BAZ2A: variants seen among roughly 807,000 people sequenced by gnomAD.
BAZ2A encodes the protein bromodomain adjacent to zinc finger domain protein 2A.
Under a neutral mutation model 199.9 loss-of-function variants are expected in BAZ2A, and 34 were observed. The ratio of observed to expected loss-of-function variants is 0.17; its 90% CI spans 0.13 to 0.23. The LOEUF (loss-of-function observed/expected upper bound fraction) is 0.23. Ranked by LOEUF, BAZ2A falls within the 10% of genes least tolerant of loss-of-function variation. The pLI is 1.00. For missense variants in BAZ2A, 2,002 were observed against 2,391.1 expected, an observed-to-expected ratio of 0.84 and a Z score of 3.39; for synonymous variants, 857 against 883.9, an observed-to-expected ratio of 0.97 and a Z score of 0.54.
Position 56,611,763 on chromosome 12 carries a change from G to A in BAZ2A, c.1609+10C>T. On this transcript the variant is annotated intron_variant, in intron 6 of 28. Transcript: ENST00000549884. Reference sequence around the variant, plus strand: ...ACCAGACAGGGATAGAATAGAATCTGGATACTCACCACTACCAGAAGCAGT... The same window carrying A: ...ACCAGACAGGGATAGAATAGAATCTAGATACTCACCACTACCAGAAGCAGT... 1 of 1,522,610 alleles carries A rather than the reference G, an allele frequency of 6.6e-7. No individual in the cohort carries two copies. Among genetic ancestry groups the A allele is most frequent in the Non-Finnish European group, 8.8e-7 (1 of 1,137,316 alleles). The allele number at this position is 1,522,610 out of a possible 1,614,324, so 94.3% of individuals were successfully genotyped here.
At chr12:56,623,394 T>A (rs1050661105) in intron 1 of BAZ2A, among the ~76,000 whole-genome samples, 2 of 152,162 alleles carry the variant, frequency 1.3e-5, no homozygotes, top group African/African-American at 2.4e-5. Flanking sequence ...TCCAGCTGGA[T>A]ACTGCAGTGG....
chr12:56,633,656 C>T (rs1307358344), upstream of BAZ2A, among the ~76,000 whole-genome samples: 1 of 152,068 alleles, frequency 6.6e-6, no homozygotes, highest in Non-Finnish European at 1.5e-5. Flanking sequence ...TTCACCCCCT[C>T]TACAATCTGG....
intron 11 of BAZ2A, 116 bp downstream of exon 11, chr12:56,606,517 G>T: frequency 2.4e-6 from 3 of 1,230,120 alleles, no homozygotes; most frequent in South Asian, 1.3e-5. Flanking sequence ...AGAAATTTCA[G>T]GGTAATGAAG....
chr12:56,599,244 A>T lies in BAZ2A; in HGVS notation c.5287T>A (p.Leu1763Met). The change falls in exon 27 of 29, where the codon TTG becomes ATG. Residue 1763 changes from leucine to methionine, a missense_variant. By Grantham distance (15) the Leu-to-Met change is conservative. Transcript: ENST00000549884. ...EGDGRRRRVL[L>M]RGRESPAAGP... ...GCTGCTGGGCTTTCTCGGCCCCTCA[A>T]CAGTACCCGGCGTCGGCGGCCATCA... The T allele has an allele frequency of 6.2e-7, 1 of 1,613,322 alleles. No individual in the cohort carries two copies. Among genetic ancestry groups the T allele is most frequent in the South Asian group, 1.1e-5 (1 of 90,906 alleles).
chr12:56,601,961 A>G lies in BAZ2A; in HGVS notation c.3656T>C (p.Leu1219Pro), dbSNP rs1299579957. ...GQDSEQPQAQ[L>P]QPEAQLHAPA... ...AGCATGAAGCTGAGCCTCAGGCTGA[A>G]GCTGGGCCTGGGGCTGTTCTGAATC... Residue 1219 changes from leucine to proline, a missense_variant, in exon 20 of 29, where the codon CTT becomes CCT. Physicochemically the swap from Leu to Pro is moderately conservative, Grantham distance 98. Around this residue, in one of 6 missense-constraint regions of BAZ2A, gnomAD observed 1,081 missense variants for 1,274.7 expected, o/e 0.85. Transcript: ENST00000549884. 1.9e-6 allele frequency: 3 copies of G among 1,563,760 alleles called. No homozygotes were observed. The highest frequency in any genetic ancestry group is 2.6e-6 in the Non-Finnish European group (3 of 1,153,674).
rs780107188 is a variant in BAZ2A at position 56,602,701 on chromosome 12, A to C, written c.3424+12T>G. Reference sequence around the variant, plus strand: ...TAGGACTCAGAATCCACACTCCCACAGGCACACCTACCTAAGTTCCCCTCT... The same window carrying C: ...TAGGACTCAGAATCCACACTCCCACCGGCACACCTACCTAAGTTCCCCTCT... On this transcript the variant is annotated intron_variant, in intron 19 of 28. Transcript: ENST00000549884. 3 of 1,611,340 alleles carry C rather than the reference A, an allele frequency of 1.9e-6. No individual in the cohort carries two copies. The highest frequency in any genetic ancestry group is 2.5e-6 in the Non-Finnish European group (3 of 1,177,736).
At chr12:56,603,726 G>A in intron 16 of BAZ2A, 26 bp from the exon 17 acceptor site, 1 of 1,612,810 alleles carries the variant, frequency 6.2e-7, no homozygotes, top group Non-Finnish European at 8.5e-7. Flanking sequence ...GAAAGATTAA[G>A]GGAAGGCCAA....
chr12:56,621,877 A>T lies in BAZ2A; in HGVS notation c.-2-4345T>A, dbSNP rs540122584. 7.2e-5 allele frequency among the ~76,000 whole-genome samples: 11 copies of T among 152,058 alleles called. 1 individual carries two copies. In the South Asian group the frequency reaches 2.3e-3, roughly 32 times the overall value. Reference sequence around the variant, plus strand: ...CTAATTTTTAAATTTTTTTGTAGACACAGGGTCTCGCTATGTTGCCCATGA... The same window carrying T: ...CTAATTTTTAAATTTTTTTGTAGACTCAGGGTCTCGCTATGTTGCCCATGA... On this transcript the variant is annotated intron_variant, in intron 1 of 28. Coordinates refer to ENST00000549884, the MANE Select transcript of BAZ2A (RefSeq NM_001300905.2).
chr12:56,620,085 A>G (rs1477451396), intron 1 of BAZ2A, among the ~76,000 whole-genome samples: 1 of 152,058 alleles, frequency 6.6e-6, no homozygotes, highest in Non-Finnish European at 1.5e-5. Flanking sequence ...GGGGTGTCCA[A>G]TCTTTTGGCT....
rs761570607 is a variant in BAZ2A, at chr12:56,600,681, C to A, written c.4602G>T (p.Arg1534=). The A allele has an allele frequency of 1.7e-5, 28 of 1,612,372 alleles. No homozygotes were observed. The highest frequency in any genetic ancestry group is 2.4e-5 in the Non-Finnish European group (28 of 1,179,432). The change falls in exon 23 of 29, where the codon CGG becomes CGT. Residue 1534 remains arginine (R), a splice_region_variant and synonymous_variant. Transcript: ENST00000549884. ...QRVIMSDLQI[R]GWTCPSPDST... is the part of the protein sequence containing the mutation. ...CTACACAGTGCCAATCCCAGCATAC[C>A]CGAATCTGCAGATCAGACATGATAA...
chr12:56,603,264 A>T, intron 18 of BAZ2A, 95 bp downstream of exon 18: 3 of 1,393,678 alleles, frequency 2.2e-6, no homozygotes, highest in Non-Finnish European at 3.0e-6. Flanking sequence ...ACCCCATCTC[A>T]AAAGAATAAA....
rs1390591557 is a variant in BAZ2A at position 56,606,502 on chromosome 12, G to GT, written c.2193+130dup. 3.3e-6 allele frequency: 4 copies of GT among 1,209,044 alleles called. No individual in the cohort carries two copies. In the Admixed American group the frequency reaches 7.3e-5, roughly 22 times the overall value. The allele number at this position is 1,209,044 out of a possible 1,614,324, so 74.9% of individuals were successfully genotyped here. On this transcript the variant is annotated intron_variant, in intron 11 of 28. Transcript: ENST00000549884. ...GAACAAACCCAATTCTCTAAATCAAGTGCAAGAAATTTCAGGGTAATGAAG... is the reference window on the plus strand; with the variant it reads ...GAACAAACCCAATTCTCTAAATCAAGTTGCAAGAAATTTCAGGGTAATGAAG...
In BAZ2A at chr12:56,601,327, T is replaced by C; in HGVS notation, c.4147A>G (p.Lys1383Glu). 2 of 1,614,040 alleles carry C rather than the reference T, an allele frequency of 1.2e-6. No homozygotes were observed. Among genetic ancestry groups the C allele is most frequent in the Non-Finnish European group, 1.7e-6 (2 of 1,179,892 alleles). Residue 1383 changes from lysine to glutamate, a missense_variant, in exon 21 of 29, where the codon AAG becomes GAG. Lys to Glu is a moderately conservative substitution (Grantham distance 56). Coordinates refer to ENST00000549884, the MANE Select transcript of BAZ2A (RefSeq NM_001300905.2). ...TCTCCAGGGTCTCCTGCTCGCCTCT[T>C]AGGGGCCAACCCAGCCAAGGGCGTG... ...SSTPLAGLAP[K>E]RRAGDPGEMP...
chr12:56,606,281 C>T lies in BAZ2A; in HGVS notation c.2225G>A (p.Ser742Asn). Residue 742 changes from serine (S) to asparagine (N), a missense_variant, in exon 12 of 29, where the codon AGC (serine) becomes AAC (asparagine). Around this residue, in one of 6 missense-constraint regions of BAZ2A, gnomAD observed 1,081 missense variants for 1,274.7 expected, o/e 0.85. Coordinates refer to ENST00000549884, the MANE Select transcript of BAZ2A (RefSeq NM_001300905.2). ...CTTCTTAGCTTCCTTCTGCTTTAAG[C>T]TCTTGGTCTCTTGTTTCCGCTTATT... The part of the protein sequence containing the change: ...ARNKRKQETK[S>N]LKQKEAKKKS... 6.2e-7 allele frequency: 1 copy of T among 1,614,004 alleles called. No individual in the cohort carries two copies. The highest frequency in any genetic ancestry group is 1.3e-5 in the African/African-American group (1 of 75,052).
chr12:56,613,049 G>A lies in BAZ2A; in HGVS notation c.1101C>T (p.Thr367=). 3 of 1,613,848 alleles carry A rather than the reference G, an allele frequency of 1.9e-6. No individual in the cohort carries two copies. The African/African-American group carries it at 4.0e-5, about 22-fold the overall frequency. The change falls in exon 5 of 29, where the codon ACC becomes ACT. Residue 367 remains threonine, a synonymous_variant. Coordinates refer to ENST00000549884, the MANE Select transcript of BAZ2A (RefSeq NM_001300905.2). ...CAGACTCCCCTAGGACAGGTGGAGA[G>A]GTGGGACTGGCAAAGATAGAGGTTG... is the stretch of plus-strand genomic sequence containing the variant. The part of the protein sequence containing the change: ...QTSTSIFASP[T]SPPVLGESVL...
At chr12:56,634,963 G>T, upstream of BAZ2A, 1 of 985,024 alleles carries the variant, frequency 1.0e-6, no homozygotes, top group Non-Finnish European at 1.2e-6. Flanking sequence ...GGGCCGGGCC[G>T]CAGGCGGCGG....
Position 56,600,672 on chromosome 12 carries a change from C to A in BAZ2A, c.4602+9G>T. Reference sequence around the variant, plus strand: ...CCAACCTTCCTACACAGTGCCAATCCCAGCATACCCGAATCTGCAGATCAG... The same window carrying A: ...CCAACCTTCCTACACAGTGCCAATCACAGCATACCCGAATCTGCAGATCAG... On this transcript the variant is annotated intron_variant, in intron 23 of 28. Transcript: ENST00000549884. 1 of 1,611,604 alleles carries A rather than the reference C, an allele frequency of 6.2e-7. No homozygotes were observed.
chr12:56,599,644 A>G, intron 26 of BAZ2A, 58 bp downstream of exon 26: 1 of 1,609,324 alleles, frequency 6.2e-7, no homozygotes. Context: ...GAGAGGAGAG[A>G]TTGAGGATAA....
intron 11 of BAZ2A, 104 bp downstream of exon 11, chr12:56,606,529 T>C (rs1402098911): frequency 8.6e-6 from 11 of 1,283,164 alleles, no homozygotes; most frequent in Non-Finnish European, 1.1e-5. Context: ...GTAATGAAGA[T>C]ATGCTGCTAC....
Sources: allele counts gnomAD v4.1 joint callset (sites outside exome capture counted in the v4.1 genomes callset), GRCh38; gene constraint gnomAD v4.1.1; regional missense constraint gnomAD v4.1.1; transcripts MANE v1.5; gene names NCBI Gene and HGNC (gene_info 2026-07-23, HGNC 2026-07-21).